RGS7: variants seen among roughly 807,000 people sequenced by gnomAD.
RGS7 encodes the protein regulator of G protein signaling 7.
In RGS7, 27 loss-of-function variants were observed where a neutral mutation model predicts 81.1. That is an observed-to-expected ratio of 0.33 (90% CI 0.25 to 0.46). The LOEUF is 0.46. Among genes scored for constraint, RGS7 ranks in the 20% least tolerant of loss-of-function variants. The pLI is 1.00. For missense variants in RGS7, 396 were observed against 607.4 expected, an observed-to-expected ratio of 0.65 and a Z score of 3.66; for synonymous variants, 208 against 207.7, an observed-to-expected ratio of 1.00 and a Z score of -0.01.
At chr1:241,021,443 T>C (rs1301343599) in intron 3 of RGS7, among the ~76,000 whole-genome samples, 1 of 152,244 alleles carries the variant, frequency 6.6e-6, no homozygotes, top group East Asian at 1.9e-4. Context: ...GCTTTGCTTC[T>C]GAGCATTTAC....
At chr1:241,134,769 A>G (rs1479220943) in intron 2 of RGS7, among the ~76,000 whole-genome samples, 3 of 152,194 alleles carry the variant, frequency 2.0e-5, no homozygotes, top group Non-Finnish European at 4.4e-5. Flanking sequence ...GAGTTTTACT[A>G]GTTCCTCACT....
intron 6 of RGS7, among the ~76,000 whole-genome samples, chr1:240,894,379 T>C (rs1668713027): frequency 6.6e-6 from 1 of 152,144 alleles, no homozygotes; most frequent in Non-Finnish European, 1.5e-5. Context: ...TTTCAGTAAA[T>C]ACTGCTTGTT....
intron 3 of RGS7, among the ~76,000 whole-genome samples, chr1:241,057,338 T>A (rs765713840): frequency 6.6e-5 from 10 of 152,188 alleles, no homozygotes; most frequent in African/African-American, 9.6e-5. Context: ...GGGTTTCTCA[T>A]TTGTACAATA....
intron 2 of RGS7, among the ~76,000 whole-genome samples, chr1:241,191,829 T>C (rs2072676690): frequency 1.3e-5 from 2 of 152,218 alleles, no homozygotes. Flanking sequence ...TTGTAATTTG[T>C]TTGGAATTGG....
At chr1:240,904,334 C>A (rs568159405) in intron 6 of RGS7, among the ~76,000 whole-genome samples, 20 of 152,294 alleles carry the variant, frequency 1.3e-4, no homozygotes, top group African/African-American at 4.6e-4. Flanking sequence ...GTGCACTCTG[C>A]TGCATTTTGT....
intron 2 of RGS7, among the ~76,000 whole-genome samples, chr1:241,166,677 T>A (rs2070276218): frequency 6.6e-6 from 1 of 152,186 alleles, no homozygotes; most frequent in Admixed American, 6.5e-5. Context: ...ATTTCCAAGC[T>A]TCAAGCCCCT....
chr1:240,921,897 G>A (rs1031426902), intron 6 of RGS7, among the ~76,000 whole-genome samples: 3 of 151,936 alleles, frequency 2.0e-5, no homozygotes, highest in African/African-American at 4.8e-5. Flanking sequence ...TTGACAAACC[G>A]ATTCCAAAGT....
intron 2 of RGS7, among the ~76,000 whole-genome samples, chr1:241,218,904 T>C (rs1041346298): frequency 6.6e-6 from 1 of 152,094 alleles, no homozygotes; most frequent in African/African-American, 2.4e-5. Flanking sequence ...ACAAGTTTTC[T>C]GGGGATGCTG....
At chr1:241,352,700 T>C (rs1216209138) in intron 2 of RGS7, among the ~76,000 whole-genome samples, 1 of 152,236 alleles carries the variant, frequency 6.6e-6, no homozygotes. Context: ...TTTTATCCGC[T>C]GTACATTTTT....
At chr1:241,356,278 C>A (rs923489615) in intron 1 of RGS7, among the ~76,000 whole-genome samples, 2 of 152,082 alleles carry the variant, frequency 1.3e-5, no homozygotes, top group Admixed American at 1.3e-4. Context: ...TGTCTAGTGT[C>A]CCCACCTGCA....
At chr1:241,284,719 C>T (rs1408785205) in intron 2 of RGS7, among the ~76,000 whole-genome samples, 1 of 152,176 alleles carries the variant, frequency 6.6e-6, no homozygotes, top group Non-Finnish European at 1.5e-5. Flanking sequence ...TGCTGGGGAA[C>T]CCCATTATAG....
intron 2 of RGS7, among the ~76,000 whole-genome samples, chr1:241,267,208 G>C (rs534349382): frequency 6.6e-6 from 1 of 152,282 alleles, no homozygotes; most frequent in East Asian, 1.9e-4. Flanking sequence ...ATACAAGGTA[G>C]ATTTAGGTGC....
chr1:241,058,062 G>C (rs1037657827), intron 3 of RGS7, among the ~76,000 whole-genome samples: 15 of 152,084 alleles, frequency 9.9e-5, no homozygotes, highest in Admixed American at 2.6e-4. Flanking sequence ...ATTGGTCGCA[G>C]CCAGCACCAG....
At chr1:240,813,387 T>C (rs1467761770) in intron 13 of RGS7, among the ~76,000 whole-genome samples, 1 of 152,134 alleles carries the variant, frequency 6.6e-6, no homozygotes, top group Non-Finnish European at 1.5e-5. Flanking sequence ...CACCTCTAAT[T>C]TTGGGACGGT....
chr1:241,166,919 C>T lies in RGS7; in HGVS notation c.79-68157G>A, dbSNP rs893069160. Among the ~76,000 whole-genome samples, 53 of 152,256 alleles carry T rather than the reference C, an allele frequency of 3.5e-4. 1 individual carries two copies. The highest frequency in any genetic ancestry group is 3.3e-3 in the Admixed American group (51 of 15,302). The stretch of plus-strand genomic sequence containing the variant: ...TAAACCCCATATTCTCTACTGCCAG[C>T]GATGGGAATCTGTTATTCTTGACCA... On this transcript the variant is annotated intron_variant, in intron 2 of 18. Coordinates refer to ENST00000440928, the MANE Select transcript of RGS7 (RefSeq NM_001364886.1).
At chr1:240,821,985 G>A (rs556235368) in intron 10 of RGS7, among the ~76,000 whole-genome samples, 1 of 152,290 alleles carries the variant, frequency 6.6e-6, no homozygotes, top group African/African-American at 2.4e-5. Context: ...AGCCTGTGGT[G>A]GTGAATTTTG....
intron 3 of RGS7, among the ~76,000 whole-genome samples, chr1:241,075,329 G>A (rs752028441): frequency 2.4e-4 from 36 of 152,050 alleles, no homozygotes; most frequent in Non-Finnish European, 4.1e-4. Flanking sequence ...GAAATAGGTC[G>A]AGCAACAAAA....
chr1:241,283,992 G>C (rs866116762), intron 2 of RGS7, among the ~76,000 whole-genome samples: 21 of 152,030 alleles, frequency 1.4e-4, no homozygotes, highest in Middle Eastern at 6.8e-3. Flanking sequence ...ATATTTCTTT[G>C]ATAAGACTTT....
chr1:241,016,948 A>G (rs2059279842), intron 3 of RGS7, among the ~76,000 whole-genome samples: 1 of 152,104 alleles, frequency 6.6e-6, no homozygotes, highest in Non-Finnish European at 1.5e-5. Flanking sequence ...AGCATTTTAT[A>G]TGATTCTATT....
Sources: allele counts gnomAD v4.1 joint callset (sites outside exome capture counted in the v4.1 genomes callset), GRCh38; gene constraint gnomAD v4.1.1; transcripts MANE v1.5; gene names NCBI Gene and HGNC (gene_info 2026-07-23, HGNC 2026-07-21).